The following CYP1B1 variants were observed in gnomAD, a reference collection of about 807,000 sequenced individuals.
The protein encoded by CYP1B1 is cytochrome P450 1B1.
CYP1B1 carries 22 observed loss-of-function variants against 29.9 expected under a neutral mutation model. The observed-to-expected ratio is 0.74, with a 90% confidence interval of 0.53 to 1.05. The LOEUF (loss-of-function observed/expected upper bound fraction) is 1.05. Among genes scored for constraint, CYP1B1 ranks in the 50% least tolerant of loss-of-function variants. The pLI, the probability that CYP1B1 is intolerant of heterozygous loss-of-function variation, is 0.00. For synonymous variants in CYP1B1, 375 were observed against 320.0 expected, an observed-to-expected ratio of 1.17 and a Z score of -1.83; for missense variants, 883 against 746.9, an observed-to-expected ratio of 1.18 and a Z score of -2.12.
At chr2:38,074,257 G>T in intron 2 of CYP1B1, 89 bp downstream of exon 2, 2 of 1,426,128 alleles carry the variant, frequency 1.4e-6, no homozygotes, top group Non-Finnish European at 1.9e-6. Context: ...CCAAACCCGG[G>T]GCCCTGCTTG....
In CYP1B1 at chr2:38,070,609, C is replaced by A. The variant is rs772169906; in HGVS notation, c.*113G>T. On this transcript the variant is annotated 3_prime_UTR_variant, in exon 3 of 3. Coordinates refer to ENST00000610745, the MANE Select transcript of CYP1B1 (RefSeq NM_000104.4). ...CTGATGGACAGTTGATTTATGCTCA[C>A]CTTAAACGCTAATTGAGAAGCAGCA... 34 of 959,076 alleles carry A rather than the reference C, an allele frequency of 3.5e-5. No homozygotes were observed. Among genetic ancestry groups the A allele is most frequent in the Non-Finnish European group, 5.6e-5 (34 of 608,070 alleles). The allele number at this position is 959,076 out of a possible 1,614,324, so 59.4% of individuals were successfully genotyped here. A position where few individuals can be genotyped will look rare whatever the true frequency, so the allele number is the denominator to read the frequency against.
chr2:38,074,907 C>A lies in CYP1B1; in HGVS notation c.482G>T (p.Arg161Leu), dbSNP rs1197403176. ...MMRNFFTRQP[R>L]SRQVLEGHVL... ...GTGGCCCTCGAGGACTTGGCGGCTG[C>A]GCGGCTGGCGCGTGAAGAAGTTGCG... Residue 161 changes from arginine to leucine, a missense_variant, in exon 2 of 3, where the codon CGC becomes CTC. By Grantham distance (102) the Arg-to-Leu change is moderately radical (BLOSUM62 -2). Transcript: ENST00000610745. 7 of 1,554,216 alleles carry A rather than the reference C, an allele frequency of 4.5e-6. No homozygotes were observed. Among genetic ancestry groups the A allele is most frequent in the East Asian group, 2.4e-5 (1 of 41,616 alleles).
intron 2 of CYP1B1, among the ~76,000 whole-genome samples, chr2:38,072,758 C>G (rs1682455317): frequency 6.6e-6 from 1 of 152,234 alleles, no homozygotes; most frequent in South Asian, 2.1e-4. Flanking sequence ...TTGCACTACT[C>G]TGCTCTGCCT....
At chr2:38,073,667 T>G (rs1682471968) in intron 2 of CYP1B1, 1 of 152,502 alleles carries the variant, frequency 6.6e-6, no homozygotes, top group African/African-American at 2.4e-5. Flanking sequence ...CCATCTGCCT[T>G]TCTGAATGCT....
chr2:38,072,203 A>T (rs1682446476), intron 2 of CYP1B1, among the ~76,000 whole-genome samples: 1 of 152,202 alleles, frequency 6.6e-6, no homozygotes, highest in South Asian at 2.1e-4. Flanking sequence ...GAGATACAAA[A>T]ATATGTAACC....
Position 38,075,207 on chromosome 2 carries a change from C to A in CYP1B1, c.182G>T (p.Gly61Val). 1 of 1,579,668 alleles carries A rather than the reference C, an allele frequency of 6.3e-7. No individual in the cohort carries two copies. The highest frequency in any genetic ancestry group is 8.6e-7 in the Non-Finnish European group (1 of 1,169,472). The change falls in exon 2 of 3, where the codon GGA becomes GTA. Residue 61 changes from glycine to valine, a missense_variant. Physicochemically the swap from Gly to Val is moderately radical, Grantham distance 109. Coordinates refer to ENST00000610745, the MANE Select transcript of CYP1B1 (RefSeq NM_000104.4). The stretch of plus-strand genomic sequence containing the variant: ...CGCCTGGCCCACCGCCGCCGCGTTT[C>A]CGATCAGTGGCCACGCAAACGGGCC... The part of the protein sequence containing the change: ...PPGPFAWPLI[G>V]NAAAVGQAAH...
At chr2:38,071,815 T>C (rs896994353) in intron 2 of CYP1B1, among the ~76,000 whole-genome samples, 1 of 152,224 alleles carries the variant, frequency 6.6e-6, no homozygotes, top group Non-Finnish European at 1.5e-5. Context: ...TTTTAATTTT[T>C]TTATAGTATA....
In CYP1B1 at chr2:38,075,277, G is replaced by T; in HGVS notation, c.112C>A (p.Arg38=). Residue 38 remains arginine (R), a synonymous_variant, in exon 2 of 3, where the codon CGG becomes AGG. Transcript: ENST00000610745. ...TGCCGCCTCCGTTGCCTCAGCAGCCGCTGGCCCACATGCACAGTGGCCAGC... is the reference window on the plus strand; with the variant it reads ...TGCCGCCTCCGTTGCCTCAGCAGCCTCTGGCCCACATGCACAGTGGCCAGC... ...SVLATVHVGQ[R]LLRQRRRQLR... 1 of 1,606,764 alleles carries T rather than the reference G, an allele frequency of 6.2e-7. No individual in the cohort carries two copies. The highest frequency in any genetic ancestry group is 8.5e-7 in the Non-Finnish European group (1 of 1,178,274).
At position 38,068,910 on chromosome 2, in the gene CYP1B1, C is replaced by A. The variant is rs1682368961; in HGVS notation, c.*1812G>T. 4 of 227,858 alleles carry A rather than the reference C, an allele frequency of 1.8e-5. No individual in the cohort carries two copies. The highest frequency in any genetic ancestry group is 5.7e-5 in the Admixed American group (1 of 17,562). 14.1% of individuals were successfully genotyped at this position (227,858 alleles called of 1,614,324 possible). On this transcript the variant is annotated 3_prime_UTR_variant, in exon 3 of 3. Transcript: ENST00000610745. ...TCAGTGTTTCTCTCTTTTCTCTTAC[C>A]ATCCCCCCACCCCACACACACATAC...
At chr2:38,072,664 C>G (rs1367604599) in intron 2 of CYP1B1, among the ~76,000 whole-genome samples, 2 of 152,150 alleles carry the variant, frequency 1.3e-5, no homozygotes, top group Non-Finnish European at 2.9e-5. Context: ...TTGCAGGAGT[C>G]TGCCAACTTT....
rs1162824086 is a variant in CYP1B1, at chr2:38,071,258, T to C, written c.1096A>G (p.Arg366Gly). The change falls in exon 3 of 3, where the codon AGG (arginine) becomes GGG (glycine). Residue 366 changes from arginine to glycine, a missense_variant. Arg to Gly is a moderately radical substitution (Grantham distance 125, BLOSUM62 -2). Coordinates refer to ENST00000610745, the MANE Select transcript of CYP1B1 (RefSeq NM_000104.4). The stretch of plus-strand genomic sequence containing the variant: ...TCACCCATACAAGGCAGACGGTCCC[T>C]CCCCACGACCTGATCCAATTCTGCC... ...VQAELDQVVGRDRLPCMGDQP... is the reference protein window; with the variant it reads ...VQAELDQVVGGDRLPCMGDQP... 1 of 1,613,066 alleles carries C rather than the reference T, an allele frequency of 6.2e-7. No individual in the cohort carries two copies. The highest frequency in any genetic ancestry group is 8.5e-7 in the Non-Finnish European group (1 of 1,180,030).
intron 2 of CYP1B1, among the ~76,000 whole-genome samples, chr2:38,072,196 A>T (rs573861576): frequency 6.6e-6 from 1 of 152,328 alleles, no homozygotes; most frequent in East Asian, 1.9e-4. Context: ...AATTTAAGAG[A>T]TACAAAAATA....
At position 38,071,069 on chromosome 2, in the gene CYP1B1, G is replaced by A. The variant is rs756276196; in HGVS notation, c.1285C>T (p.His429Tyr). 7 of 1,613,480 alleles carry A rather than the reference G, an allele frequency of 4.3e-6. No individual in the cohort carries two copies. The highest frequency in any genetic ancestry group is 5.9e-6 in the Non-Finnish European group (7 of 1,179,410). ...VVFVNQWSVN[H>Y]DPLKWPNPEN... The stretch of plus-strand genomic sequence containing the variant: ...GGGTTAGGCCACTTCAGTGGGTCAT[G>A]ATTCACAGACCACTGGTTGACAAAA... Residue 429 changes from histidine (H) to tyrosine (Y), a missense_variant, in exon 3 of 3, where the codon CAT becomes TAT. By Grantham distance (83) the His-to-Tyr change is moderately conservative (BLOSUM62 2). Transcript: ENST00000610745.
chr2:38,071,711 G>C (rs1682436225), intron 2 of CYP1B1, among the ~76,000 whole-genome samples: 1 of 152,146 alleles, frequency 6.6e-6, no homozygotes, highest in African/African-American at 2.4e-5. Flanking sequence ...ACAATCTTCA[G>C]ACCTAAAAAA....
rs9341264 is a variant in CYP1B1, at chr2:38,068,912, TC to T, written c.*1809del. The T allele has an allele frequency of 7.5e-4, 167 of 222,416 alleles. 1 individual carries two copies. The highest frequency in any genetic ancestry group is 5.6e-3 in the Middle Eastern group (4 of 710). The allele number at this position is 222,416 out of a possible 1,614,324, so 13.8% of individuals were successfully genotyped here. ...AGTGTTTCTCTCTTTTCTCTTACCA[TC>T]CCCCCACCCCACACACACATACACA... On this transcript the variant is annotated 3_prime_UTR_variant, in exon 3 of 3. Coordinates refer to ENST00000610745, the MANE Select transcript of CYP1B1 (RefSeq NM_000104.4).
intron 2 of CYP1B1, among the ~76,000 whole-genome samples, chr2:38,071,810 AT>A (rs1444729288): frequency 6.6e-6 from 1 of 152,108 alleles, no homozygotes; most frequent in African/African-American, 2.4e-5. Flanking sequence ...TTAATTTTTA[AT>A]TTTTTTATAG....
At position 38,069,381 on chromosome 2, in the gene CYP1B1, C is replaced by T. The variant is rs971246335; in HGVS notation, c.*1341G>A. ...ATGGCATTTTCCATTATTCATTGGG[C>T]AGACACAGCTTAGATTTCTCTGCCT... On this transcript the variant is annotated 3_prime_UTR_variant, in exon 3 of 3. Coordinates refer to ENST00000610745, the MANE Select transcript of CYP1B1 (RefSeq NM_000104.4). The T allele has an allele frequency of 4.6e-6, 1 of 216,140 alleles. No homozygotes were observed. The highest frequency in any genetic ancestry group is 2.3e-5 in the African/African-American group (1 of 44,400). 13.4% of individuals were successfully genotyped at this position (216,140 alleles called of 1,614,324 possible).
chr2:38,074,980 A>G lies in CYP1B1; in HGVS notation c.409T>C (p.Tyr137His). 1.3e-6 allele frequency: 2 copies of G among 1,587,046 alleles called. No homozygotes were observed. Among genetic ancestry groups the G allele is most frequent in the East Asian group, 2.3e-5 (1 of 44,176 alleles). Residue 137 changes from tyrosine to histidine, a missense_variant, in exon 2 of 3, where the codon TAC (tyrosine) becomes CAC (histidine). Coordinates refer to ENST00000610745, the MANE Select transcript of CYP1B1 (RefSeq NM_000104.4). ...CGCTGCACCTTCCAGTGCTCCGAGT[A>G]GTGGCCGAAAGCCATGCTGCGGCCG... ...SGGRSMAFGH[Y>H]SEHWKVQRRA...
rs778773307 is a variant in CYP1B1, at chr2:38,074,968, A to C, written c.421T>G (p.Trp141Gly). ...TGGGCTGCGCGCCGCTGCACCTTCC[A>C]GTGCTCCGAGTAGTGGCCGAAAGCC... is the stretch of plus-strand genomic sequence containing the variant. Reference protein sequence around the residue: ...SMAFGHYSEHWKVQRRAAHSM... With the variant: ...SMAFGHYSEHGKVQRRAAHSM... The change falls in exon 2 of 3, where the codon TGG becomes GGG. Residue 141 changes from tryptophan (W) to glycine (G), a missense_variant. Transcript: ENST00000610745. 8 of 1,581,960 alleles carry C rather than the reference A, an allele frequency of 5.1e-6. No individual in the cohort carries two copies. The South Asian group carries it at 9.0e-5, about 18-fold the overall frequency.
Sources: allele counts gnomAD v4.1 joint callset (sites outside exome capture counted in the v4.1 genomes callset), GRCh38; gene constraint gnomAD v4.1.1; transcripts MANE v1.5; gene names NCBI Gene and HGNC (gene_info 2026-07-23, HGNC 2026-07-21).